The following MSI2 variants were observed in gnomAD, a reference collection of about 807,000 sequenced individuals.
MSI2 encodes musashi RNA binding protein 2.
In MSI2, 17 loss-of-function variants were observed where a neutral mutation model predicts 45.6. That is an observed-to-expected ratio of 0.37 (90% CI 0.26 to 0.56). MSI2 has a LOEUF of 0.56. Ranked by LOEUF, MSI2 falls within the 20% of genes least tolerant of loss-of-function variation. The pLI, the probability that MSI2 is intolerant of heterozygous loss-of-function variation, is 0.77. For missense variants in MSI2, 293 were observed against 444.2 expected, an observed-to-expected ratio of 0.66 and a Z score of 3.06; for synonymous variants, 156 against 158.2, an observed-to-expected ratio of 0.99 and a Z score of 0.11.
chr17:57,517,376 C>T (rs571883847), intron 6 of MSI2, among the ~76,000 whole-genome samples: 2 of 152,282 alleles, frequency 1.3e-5, no homozygotes, highest in East Asian at 1.9e-4. Context: ...CTATACAGTT[C>T]GCAGAATTCT....
chr17:57,591,797 A>G (rs1368467477), intron 7 of MSI2, among the ~76,000 whole-genome samples: 3 of 151,728 alleles, frequency 2.0e-5, no homozygotes, highest in Middle Eastern at 3.2e-3. Context: ...GGAGTTATTT[A>G]ACGGGTACAG....
chr17:57,569,934 TG>T (rs2087833505), intron 7 of MSI2, among the ~76,000 whole-genome samples: 1 of 151,972 alleles, frequency 6.6e-6, no homozygotes, highest in Admixed American at 6.6e-5. Context: ...CTGCCATCAG[TG>T]GGAAAGGGTG....
rs1913648344 is a variant in MSI2, at chr17:57,682,260, A to G, written c.*2743A>G. The G allele has an allele frequency of 5.2e-6, 1 of 192,850 alleles. No homozygotes were observed. The highest frequency in any genetic ancestry group is 1.1e-5 in the Non-Finnish European group (1 of 92,662). The allele number at this position is 192,850 out of a possible 1,614,324, so 11.9% of individuals were successfully genotyped here. On this transcript the variant is annotated 3_prime_UTR_variant, in exon 14 of 14. Transcript: ENST00000284073. ...TTTTAGCTGATCTGATGTGGTTTCA[A>G]CTAACCCAAGGTCTCACCATGTTAA...
intron 6 of MSI2, among the ~76,000 whole-genome samples, chr17:57,495,389 C>T (rs772679609): frequency 2.6e-5 from 4 of 151,852 alleles, no homozygotes; most frequent in East Asian, 3.9e-4. Context: ...AAAAATCAGC[C>T]GGGCATGGTG....
chr17:57,509,837 T>C (rs1265056443), intron 6 of MSI2, among the ~76,000 whole-genome samples: 1 of 152,068 alleles, frequency 6.6e-6, no homozygotes, highest in African/African-American at 2.4e-5. Context: ...CAAGGTCTTT[T>C]CTGCTTTTTC....
intron 7 of MSI2, among the ~76,000 whole-genome samples, chr17:57,595,074 C>T (rs757313946): frequency 3.9e-5 from 6 of 152,150 alleles, no homozygotes; most frequent in African/African-American, 1.4e-4. Flanking sequence ...CCTGCAGGAG[C>T]TATGCTAAAG....
intron 7 of MSI2, among the ~76,000 whole-genome samples, chr17:57,594,586 T>G (rs529477092): frequency 1.3e-5 from 2 of 152,108 alleles, no homozygotes; most frequent in South Asian, 4.2e-4. Flanking sequence ...CAATGATCAG[T>G]GGGACCAAGG....
rs911443354 is a variant in MSI2, at chr17:57,681,615, GCAA to G, written c.*2104_*2106del. On this transcript the variant is annotated 3_prime_UTR_variant, in exon 14 of 14. Coordinates refer to ENST00000284073, the MANE Select transcript of MSI2 (RefSeq NM_138962.4). ...ACCCGTTTTCAATTCTAATGAAACA[GCAA>G]CAACATTTTTTTTAATTAAAAAAAA... 10 of 185,296 alleles carry G rather than the reference GCAA, an allele frequency of 5.4e-5. No individual in the cohort carries two copies. The East Asian group carries it at 6.1e-4, about 11-fold the overall frequency. 11.5% of individuals were successfully genotyped at this position (185,296 alleles called of 1,614,324 possible).
chr17:57,347,943 AG>A (rs1490578631), intron 5 of MSI2, among the ~76,000 whole-genome samples: 1 of 152,222 alleles, frequency 6.6e-6, no homozygotes, highest in Non-Finnish European at 1.5e-5. Flanking sequence ...GCGGTGAGCA[AG>A]GTAAGTGCAT....
chr17:57,638,186 C>A (rs771036150), intron 10 of MSI2, among the ~76,000 whole-genome samples: 1 of 152,196 alleles, frequency 6.6e-6, no homozygotes, highest in Non-Finnish European at 1.5e-5. Flanking sequence ...TGTGTCCCCC[C>A]ACCCTCTCCT....
chr17:57,257,542 C>T lies in MSI2; in HGVS notation c.180C>T (p.Arg60=). 6.3e-7 allele frequency: 1 copy of T among 1,597,856 alleles called. No individual in the cohort carries two copies. The highest frequency in any genetic ancestry group is 1.1e-5 in the South Asian group (1 of 90,516). Residue 60 remains arginine, a synonymous_variant, in exon 3 of 14, where the codon CGC becomes CGT. Transcript: ENST00000284073. ...CMVMRDPTTK[R]SRGFGFVTFA... is the part of the protein sequence containing the mutation. ...TCATGAGAGATCCCACTACGAAACG[C>T]TCCAGGTAAACCATTCCCTTCTGGA...
chr17:57,380,709 T>C (rs993454751), intron 5 of MSI2, among the ~76,000 whole-genome samples: 1 of 152,186 alleles, frequency 6.6e-6, no homozygotes, highest in African/African-American at 2.4e-5. Flanking sequence ...GGATTCTGCT[T>C]TTGTGAGCAC....
intron 7 of MSI2, among the ~76,000 whole-genome samples, chr17:57,555,211 G>A (rs2087403886): frequency 6.6e-6 from 1 of 152,164 alleles, no homozygotes; most frequent in African/African-American, 2.4e-5. Flanking sequence ...CGTCCGCACC[G>A]CCAGCTCTGG....
At chr17:57,635,139 A>AG (rs1209759819) in intron 10 of MSI2, among the ~76,000 whole-genome samples, 1 of 152,250 alleles carries the variant, frequency 6.6e-6, no homozygotes, top group Non-Finnish European at 1.5e-5. Context: ...TGCAGGTCCC[A>AG]GGGACTGTGA....
intron 11 of MSI2, among the ~76,000 whole-genome samples, chr17:57,664,638 T>C (rs2144722060): frequency 6.6e-6 from 1 of 152,336 alleles, no homozygotes. Context: ...GTTTAATGCA[T>C]GAAGGCAATG....
chr17:57,542,504 G>A (rs1188574588), intron 7 of MSI2, among the ~76,000 whole-genome samples: 3 of 152,178 alleles, frequency 2.0e-5, no homozygotes, highest in Non-Finnish European at 4.4e-5. Flanking sequence ...TGGATCGATG[G>A]TTTCCAACCT....
At chr17:57,455,379 C>G (rs1462219824) in intron 6 of MSI2, among the ~76,000 whole-genome samples, 1 of 152,126 alleles carries the variant, frequency 6.6e-6, no homozygotes, top group Non-Finnish European at 1.5e-5. Context: ...GAAGCCATTG[C>G]TTGTGAATTA....
chr17:57,406,075 G>A (rs1329834354), intron 6 of MSI2, among the ~76,000 whole-genome samples: 3 of 152,136 alleles, frequency 2.0e-5, no homozygotes, highest in Admixed American at 6.5e-5. Context: ...GAAGGAGCAG[G>A]TTTTGTTCAT....
At position 57,256,548 on chromosome 17, in the gene MSI2, G is replaced by C; in HGVS notation, c.-195G>C. ...GTGCGAGGCAGCGGGGCTGAGCTAA[G>C]CCGAGCCCACGTGTGACGGCTCTCG... On this transcript the variant is annotated 5_prime_UTR_variant, in exon 1 of 14. Transcript: ENST00000284073. 1 of 346,366 alleles carries C rather than the reference G, an allele frequency of 2.9e-6. No homozygotes were observed. The highest frequency in any genetic ancestry group is 5.1e-6 in the Non-Finnish European group (1 of 195,122). The allele number at this position is 346,366 out of a possible 1,614,324, so 21.5% of individuals were successfully genotyped here.
Sources: allele counts gnomAD v4.1 joint callset (sites outside exome capture counted in the v4.1 genomes callset), GRCh38; gene constraint gnomAD v4.1.1; transcripts MANE v1.5; gene names NCBI Gene and HGNC (gene_info 2026-07-23, HGNC 2026-07-21).